Variants in PLCL2 observed in about 807,000 individuals in gnomAD.
PLCL2 encodes the protein phospholipase C like 2.
Under a neutral mutation model 79.6 loss-of-function variants are expected in PLCL2, and 4 were observed. The observed-to-expected ratio is 0.05, with a 90% CI of 0.02 to 0.11. PLCL2 has a LOEUF of 0.11. PLCL2 is among the 10% of genes least tolerant of loss of function. The pLI, the probability that PLCL2 is intolerant of heterozygous loss-of-function variation, is 1.00. For synonymous variants in PLCL2, 484 were observed against 457.7 expected (o/e 1.06, Z -0.73); for missense variants, 895 against 1,291.0 (o/e 0.69, Z 4.70).
intron 1 of PLCL2, among the ~76,000 whole-genome samples, chr3:16,914,603 CTT>C (rs1696951333): frequency 6.7e-6 from 1 of 149,442 alleles, no homozygotes. Flanking sequence ...ATTTGGTAAA[CTT>C]TGGTTTTCAT....
rs775474921 is a variant in PLCL2, at chr3:17,082,610, T to C, written c.3205-7123T>C. ...CTTGGTAATGTCCAAAGGCCTATTC[T>C]GTTTAAGATACCATGATTACTTCTC... On this transcript the variant is annotated intron_variant, in intron 5 of 5. Transcript: ENST00000615277. Among the ~76,000 whole-genome samples, 64 of 152,322 alleles carry C rather than the reference T, an allele frequency of 4.2e-4. 1 individual carries two copies. Among genetic ancestry groups the C allele is most frequent in the Non-Finnish European group, 3.1e-4 (21 of 68,032 alleles).
At chr3:17,089,163 C>T (rs564148809) in intron 5 of PLCL2, among the ~76,000 whole-genome samples, 1 of 152,166 alleles carries the variant, frequency 6.6e-6, no homozygotes, top group South Asian at 2.1e-4. Context: ...CAGTGCTGTG[C>T]CTTGGTTGCC....
At chr3:17,040,370 A>G (rs1240005210) in intron 3 of PLCL2, among the ~76,000 whole-genome samples, 2 of 152,206 alleles carry the variant, frequency 1.3e-5, no homozygotes, top group East Asian at 3.8e-4. Context: ...TCCTTTGGTG[A>G]TACTTAAACT....
chr3:17,074,683 T>C (rs1470965633), intron 5 of PLCL2, among the ~76,000 whole-genome samples: 7 of 152,246 alleles, frequency 4.6e-5, no homozygotes, highest in Non-Finnish European at 8.8e-5. Flanking sequence ...TGGCTAAATC[T>C]TCTGGGTAAC....
intron 5 of PLCL2, among the ~76,000 whole-genome samples, chr3:17,083,285 G>T (rs942678224): frequency 6.6e-6 from 1 of 152,162 alleles, no homozygotes; most frequent in Non-Finnish European, 1.5e-5. Context: ...GGGAGGGGAA[G>T]GAGCTAGCTA....
chr3:16,944,022 C>A (rs1040533711), intron 1 of PLCL2, among the ~76,000 whole-genome samples: 1 of 152,124 alleles, frequency 6.6e-6, no homozygotes, highest in Non-Finnish European at 1.5e-5. Context: ...GTGGAATAGG[C>A]AATGGTTAAG....
At chr3:16,895,399 G>A (rs759599782) in intron 1 of PLCL2, among the ~76,000 whole-genome samples, 1 of 152,100 alleles carries the variant, frequency 6.6e-6, no homozygotes, top group Non-Finnish European at 1.5e-5. Flanking sequence ...TGTGTGTGGT[G>A]TGAGGTAGGG....
chr3:17,086,192 T>C (rs1243599388), intron 5 of PLCL2, among the ~76,000 whole-genome samples: 1 of 152,194 alleles, frequency 6.6e-6, no homozygotes, highest in Non-Finnish European at 1.5e-5. Context: ...CTTTAAAACT[T>C]ACTGCAAAGC....
Position 16,884,995 on chromosome 3 carries a change from G to GGGACGCGA in PLCL2, c.-37_-30dup, listed in dbSNP as rs1346175743. The GGGACGCGA allele has an allele frequency of 4.9e-5, 11 of 222,522 alleles. No homozygotes were observed. Among genetic ancestry groups the GGGACGCGA allele is most frequent in the South Asian group, 1.6e-4 (1 of 6,358 alleles). 13.8% of individuals were successfully genotyped at this position (222,522 alleles called of 1,614,324 possible). ...GGCCCGAGGCGGCGGCGGGGACGCG[G>GGGACGCGA]GGACGCGAGGACGCGGCTTTGTGCA... On this transcript the variant is annotated 5_prime_UTR_variant, in exon 1 of 6. Transcript: ENST00000615277. The surrounding 1 kb of genome is among the most constrained non-coding windows in gnomAD (Gnocchi z 9.3).
At chr3:16,980,040 G>A (rs1362628801) in intron 1 of PLCL2, among the ~76,000 whole-genome samples, 13 of 144,756 alleles carry the variant, frequency 9.0e-5, no homozygotes, top group South Asian at 4.6e-4. Context: ...CAGTAGGGGC[G>A]GCCGGGCAGA....
intron 1 of PLCL2, among the ~76,000 whole-genome samples, chr3:16,889,143 T>C (rs1336117238): frequency 6.6e-6 from 1 of 152,206 alleles, no homozygotes; most frequent in African/African-American, 2.4e-5. Flanking sequence ...ACTCACTGCA[T>C]GCAAAACACG....
intron 1 of PLCL2, among the ~76,000 whole-genome samples, chr3:16,898,374 A>G (rs1207023853): frequency 1.3e-5 from 2 of 152,064 alleles, no homozygotes; most frequent in Non-Finnish European, 2.9e-5. Context: ...TTCCTTTCCT[A>G]CAGCATAATT....
intron 4 of PLCL2, among the ~76,000 whole-genome samples, chr3:17,051,039 C>A (rs912222993): frequency 6.6e-6 from 1 of 151,992 alleles, no homozygotes; most frequent in Non-Finnish European, 1.5e-5. Context: ...ATAAGCCAAG[C>A]ACAGAAAGAC....
In PLCL2 at chr3:17,010,378, T is replaced by A. The variant is rs1336818568; in HGVS notation, c.1032T>A (p.Ile344=). 1.2e-6 allele frequency: 2 copies of A among 1,613,934 alleles called. No individual in the cohort carries two copies. Among genetic ancestry groups the A allele is most frequent in the East Asian group, 4.5e-5 (2 of 44,856 alleles). The change falls in exon 2 of 6, where the codon ATT becomes ATA. Residue 344 remains isoleucine, a synonymous_variant. Transcript: ENST00000615277. The surrounding 1 kb of genome is among the most constrained non-coding windows in gnomAD (Gnocchi z 5.8). Reference sequence around the variant, plus strand: ...ATGAGCTTTGTACTAGACCTGAAATTTATTTCCTTTTAGTTCAGTTTTCAA... The same window carrying A: ...ATGAGCTTTGTACTAGACCTGAAATATATTTCCTTTTAGTTCAGTTTTCAA... ...VFHELCTRPE[I]YFLLVQFSSN...
chr3:17,048,219 C>T (rs957558529), intron 4 of PLCL2, among the ~76,000 whole-genome samples: 1 of 152,104 alleles, frequency 6.6e-6, no homozygotes, highest in East Asian at 1.9e-4. Context: ...AAATCATCTG[C>T]GAGATTCATT....
At chr3:17,017,537 C>A (rs963585552) in intron 3 of PLCL2, among the ~76,000 whole-genome samples, 1 of 152,096 alleles carries the variant, frequency 6.6e-6, no homozygotes, top group African/African-American at 2.4e-5. Context: ...TCTCGGACAG[C>A]CCGTAACTCT....
At chr3:17,044,204 T>A (rs561114353) in intron 4 of PLCL2, 35 of 152,462 alleles carry the variant, frequency 2.3e-4, no homozygotes, top group African/African-American at 8.2e-4. Context: ...GGGAGGCAGT[T>A]GGCAATAGAT....
chr3:16,946,920 GTAAA>G (rs1243557142), intron 1 of PLCL2, among the ~76,000 whole-genome samples: 3 of 144,838 alleles, frequency 2.1e-5, no homozygotes, highest in African/African-American at 7.6e-5. Flanking sequence ...CCATATAAGA[GTAAA>G]TGAATGAATA....
intron 1 of PLCL2, among the ~76,000 whole-genome samples, chr3:16,956,932 T>TA (rs1466954238): frequency 6.6e-6 from 1 of 152,208 alleles, no homozygotes; most frequent in African/African-American, 2.4e-5. Context: ...TCTTCTTTAT[T>TA]AGTCTTGCTA....
Sources: gnomAD v4.1 joint callset for allele counts (sites outside exome capture counted in the v4.1 genomes callset) on GRCh38, gnomAD v4.1.1 for gene constraint, Gnocchi (gnomAD v3.1) non-coding constraint, MANE v1.5 for transcripts, NCBI Gene and HGNC (gene_info 2026-07-23, HGNC 2026-07-21) for gene names.